LOXL2: variants seen among roughly 807,000 people sequenced by gnomAD.
LOXL2 encodes lysyl oxidase like 2.
A neutral mutation model predicts 93.0 loss-of-function variants in LOXL2; 70 were observed. That is an observed-to-expected ratio of 0.75 (90% CI 0.62 to 0.92). LOXL2 has a LOEUF of 0.92. Among genes scored for constraint, LOXL2 ranks in the 40% least tolerant of loss-of-function variants. LOXL2 has a pLI of 0.00. For missense variants in LOXL2, 973 were observed against 1,054.9 expected, an observed-to-expected ratio of 0.92 and a Z score of 1.08; for synonymous variants, 438 against 413.2, an observed-to-expected ratio of 1.06 and a Z score of -0.73.
intron 8 of LOXL2, among the ~76,000 whole-genome samples, chr8:23,318,883 G>A (rs1803448407): frequency 6.6e-6 from 1 of 152,232 alleles, no homozygotes; most frequent in South Asian, 2.1e-4. Context: ...ATCCCAGGCA[G>A]CTTCTGCTCA....
chr8:23,373,341 T>C (rs1804529722), intron 1 of LOXL2, among the ~76,000 whole-genome samples: 1 of 152,068 alleles, frequency 6.6e-6, no homozygotes, highest in Non-Finnish European at 1.5e-5. Context: ...AAGGTTTTCC[T>C]CTTCTACACT....
chr8:23,354,959 T>A (rs1420539467), intron 3 of LOXL2, among the ~76,000 whole-genome samples: 4,263 of 52,610 alleles, frequency 0.081, 247 homozygotes, highest in African/African-American at 0.18. Context: ...ATTTTTTTTT[T>A]TTTTTTTTTT....
Position 23,327,263 on chromosome 8 carries a change from G to A in LOXL2, c.1150+1119C>T, listed in dbSNP as rs9792299. On this transcript the variant is annotated intron_variant, in intron 6 of 13. Transcript: ENST00000389131. ...ACTTCTAGAAGGAGGAAAGCTCTAC[G>A]GTCTTTGACTCAGCTGGAGGTTAAG... Among the ~76,000 whole-genome samples, 21 of 152,324 alleles carry A rather than the reference G, an allele frequency of 1.4e-4. No individual in the cohort carries two copies. In the East Asian group the frequency reaches 1.9e-3, roughly 14 times the overall value.
chr8:23,328,712 TG>T, intron 5 of LOXL2, 147 bp from the exon 6 acceptor site: 1 of 536,922 alleles, frequency 1.9e-6, no homozygotes. Context: ...TGTATGGATG[TG>T]TGTGTGTGTG....
chr8:23,346,098 A>G (rs1427417588), intron 3 of LOXL2, among the ~76,000 whole-genome samples: 1 of 107,960 alleles, frequency 9.3e-6, no homozygotes, highest in African/African-American at 4.6e-5. Context: ...AAATAAAATA[A>G]AATAAAATAA....
At chr8:23,394,396 G>GAAAAA (rs1159727066) in intron 1 of LOXL2, among the ~76,000 whole-genome samples, 2 of 64,348 alleles carry the variant, frequency 3.1e-5, no homozygotes, top group Non-Finnish European at 6.3e-5. Context: ...CTGTCTCAGA[G>GAAAAA]AAAAAAAAAA....
chr8:23,394,763 C>G (rs541147744), intron 1 of LOXL2, among the ~76,000 whole-genome samples: 1 of 147,178 alleles, frequency 6.8e-6, no homozygotes, highest in Non-Finnish European at 1.5e-5. Flanking sequence ...TATACCCCCC[C>G]AAAATTGAAA....
At chr8:23,341,449 A>G (rs1803882109) in intron 3 of LOXL2, 2 of 551,030 alleles carry the variant, frequency 3.6e-6, no homozygotes, top group African/African-American at 1.9e-5. Context: ...GACCTGGAAC[A>G]GTCAGAAAAG....
At chr8:23,388,347 G>A (rs921022164) in intron 1 of LOXL2, among the ~76,000 whole-genome samples, 3 of 152,136 alleles carry the variant, frequency 2.0e-5, no homozygotes, top group African/African-American at 7.2e-5. Context: ...GGAGGCCAAG[G>A]TGGGATGATT....
intron 3 of LOXL2, among the ~76,000 whole-genome samples, chr8:23,346,146 T>TAA (rs1364307667): frequency 0.018 from 1,367 of 78,060 alleles, 45 homozygotes; most frequent in African/African-American, 0.046. Context: ...ATAAAATAAA[T>TAA]AAAATAAAAT....
At position 23,297,725 on chromosome 8, in the gene LOXL2, G is replaced by GTCATT; in HGVS notation, c.*317_*318insAATGA. 1 of 227,458 alleles carries GTCATT rather than the reference G, an allele frequency of 4.4e-6. No individual in the cohort carries two copies. 14.1% of individuals were successfully genotyped at this position (227,458 alleles called of 1,614,324 possible). A position where few individuals can be genotyped will look rare whatever the true frequency, so the allele number is the denominator to read the frequency against. On this transcript the variant is annotated 3_prime_UTR_variant, in exon 14 of 14. Coordinates refer to ENST00000389131, the MANE Select transcript of LOXL2 (RefSeq NM_002318.3). ...GTGTCTGTGGTGAGCTCGGTGGCTT[G>GTCATT]AATGGGACAAGCTGATGACAACCTG...
intron 1 of LOXL2, among the ~76,000 whole-genome samples, chr8:23,390,432 C>A (rs552383857): frequency 1.4e-3 from 213 of 152,338 alleles, no homozygotes; most frequent in Non-Finnish European, 2.7e-3. Flanking sequence ...TCGTCTATTT[C>A]TGGCCACAAA....
At chr8:23,335,666 G>A (rs968306014) in intron 4 of LOXL2, among the ~76,000 whole-genome samples, 1 of 152,014 alleles carries the variant, frequency 6.6e-6, no homozygotes, top group African/African-American at 2.4e-5. Context: ...GTCCCTGCAC[G>A]GCAGGACCCA....
Position 23,322,000 on chromosome 8 carries a change from TG to T in LOXL2, c.1302+129del. On this transcript the variant is annotated intron_variant, in intron 7 of 13. Coordinates refer to ENST00000389131, the MANE Select transcript of LOXL2 (RefSeq NM_002318.3). ...TCGAGGGGGAACTAAACATTGCAAA[TG>T]CCAAGTGGCAATGTCTGCAGCAGTA... 3 of 1,044,336 alleles carry T rather than the reference TG, an allele frequency of 2.9e-6. No homozygotes were observed. The South Asian group carries it at 4.6e-5, about 16-fold the overall frequency. 64.7% of individuals were successfully genotyped at this position (1,044,336 alleles called of 1,614,324 possible).
intron 9 of LOXL2, among the ~76,000 whole-genome samples, chr8:23,314,092 G>A (rs1322936695): frequency 1.3e-5 from 2 of 151,968 alleles, no homozygotes; most frequent in African/African-American, 2.4e-5. Flanking sequence ...ACCACAATGA[G>A]ATACCATCTC....
At chr8:23,367,886 G>T in intron 2 of LOXL2, 111 bp downstream of exon 2, 1 of 862,556 alleles carries the variant, frequency 1.2e-6, no homozygotes, top group East Asian at 2.5e-5. Context: ...GCATCACCAA[G>T]AATTTACACT....
chr8:23,367,380 A>C (rs35712403), intron 2 of LOXL2, among the ~76,000 whole-genome samples: 21,636 of 152,198 alleles, frequency 0.14, 1,960 homozygotes, highest in Non-Finnish European at 0.19. Context: ...AAATAAACTA[A>C]TAAATTTGAA....
Position 23,352,431 on chromosome 8 carries a change from C to T in LOXL2, c.531+7659G>A, listed in dbSNP as rs1042292063. Among the ~76,000 whole-genome samples the T allele has an allele frequency of 2.0e-5, 3 of 152,080 alleles. No individual in the cohort carries two copies. In the East Asian group the frequency reaches 5.8e-4, roughly 29 times the overall value. ...AAATAGGCCCCCTTTTTTCCCCAAA[C>T]CACCCAGTGCAACCTCTCTGGTGGG... On this transcript the variant is annotated intron_variant, in intron 3 of 13. Coordinates refer to ENST00000389131, the MANE Select transcript of LOXL2 (RefSeq NM_002318.3).
chr8:23,309,953 T>A (rs1408289255), intron 9 of LOXL2, 42 bp from the exon 10 acceptor site: 5 of 1,410,428 alleles, frequency 3.5e-6, no homozygotes, highest in Non-Finnish European at 4.7e-6. Flanking sequence ...AAGAGACCCC[T>A]CCCCAGGGCT....
Sources: allele counts gnomAD v4.1 joint callset (sites outside exome capture counted in the v4.1 genomes callset), GRCh38; gene constraint gnomAD v4.1.1; transcripts MANE v1.5; gene names NCBI Gene and HGNC (gene_info 2026-07-23, HGNC 2026-07-21).